The following HNF1B variants were observed in gnomAD, a reference collection of about 807,000 sequenced individuals.
HNF1B encodes the protein HNF1 homeobox B, also known as hepatocyte nuclear factor 1-beta.
HNF1B carries 8 observed loss-of-function variants against 61.7 expected under a neutral mutation model. The ratio of observed to expected loss-of-function variants is 0.13; its 90% CI spans 0.08 to 0.23. The LOEUF (loss-of-function observed/expected upper bound fraction) is 0.23, where lower values mean the gene tolerates loss of function less well. HNF1B is among the 10% of genes least tolerant of loss of function. The pLI is 1.00. For missense variants in HNF1B, 562 were observed against 714.5 expected (o/e 0.79, Z 2.43); for synonymous variants, 314 against 287.7 (o/e 1.09, Z -0.93).
At chr17:37,710,272 A>T (rs1476980082) in intron 5 of HNF1B, among the ~76,000 whole-genome samples, 1 of 152,234 alleles carries the variant, frequency 6.6e-6, no homozygotes, top group African/African-American at 2.4e-5. Flanking sequence ...AATCAATAAA[A>T]AGAGAGCAGA....
intron 7 of HNF1B, 133 bp from the exon 8 acceptor site, chr17:37,699,327 T>TAGTGGG (rs2032488401): frequency 2.7e-6 from 2 of 750,786 alleles, no homozygotes; most frequent in African/African-American, 3.4e-5. Context: ...TGGGGATTTC[T>TAGTGGG]CATATTAGTT....
At chr17:37,729,468 G>A (rs761648877) in intron 4 of HNF1B, 11 of 149,632 alleles carry the variant, frequency 7.4e-5, no homozygotes, top group Non-Finnish European at 1.3e-4. Flanking sequence ...ACAGAAGAAA[G>A]GCAGCCACTG....
At chr17:37,715,905 G>A (rs2147490248) in intron 4 of HNF1B, among the ~76,000 whole-genome samples, 1 of 152,308 alleles carries the variant, frequency 6.6e-6, no homozygotes, top group Admixed American at 6.5e-5. Context: ...GCCGAGGCAG[G>A]TGGATCACTT....
At chr17:37,708,842 G>C (rs1345992049) in intron 5 of HNF1B, among the ~76,000 whole-genome samples, 1 of 152,144 alleles carries the variant, frequency 6.6e-6, no homozygotes, top group Non-Finnish European at 1.5e-5. Flanking sequence ...AGCAGCTCAG[G>C]TCCTCTGAAA....
chr17:37,739,905 C>A (rs1041585203), intron 1 of HNF1B, among the ~76,000 whole-genome samples: 43 of 152,012 alleles, frequency 2.8e-4, no homozygotes, highest in African/African-American at 9.7e-4. Flanking sequence ...AGCACCACCA[C>A]CACTCTCTCT....
intron 4 of HNF1B, among the ~76,000 whole-genome samples, chr17:37,723,424 G>T (rs191702400): frequency 1.3e-5 from 2 of 152,124 alleles, no homozygotes; most frequent in Non-Finnish European, 2.9e-5. Flanking sequence ...TCGACTTCAT[G>T]AACATCATGA....
At chr17:37,719,161 G>A (rs962655384) in intron 4 of HNF1B, among the ~76,000 whole-genome samples, 2 of 151,862 alleles carry the variant, frequency 1.3e-5, no homozygotes, top group East Asian at 1.9e-4. Context: ...AGATGGGGGG[G>A]TCTATGTTGC....
intron 4 of HNF1B, among the ~76,000 whole-genome samples, chr17:37,717,192 T>C (rs1454766888): frequency 3.9e-5 from 6 of 152,162 alleles, no homozygotes; most frequent in African/African-American, 1.4e-4. Context: ...CTGAAGTCTA[T>C]GAGCTGCACC....
chr17:37,723,115 A>G (rs541970842), intron 4 of HNF1B, among the ~76,000 whole-genome samples: 78 of 151,900 alleles, frequency 5.1e-4, no homozygotes, highest in African/African-American at 1.7e-3. Context: ...CGAGGCGGGC[A>G]GATCACGAGG....
intron 5 of HNF1B, among the ~76,000 whole-genome samples, chr17:37,708,437 G>A (rs548233079): frequency 2.6e-4 from 40 of 152,304 alleles, no homozygotes; most frequent in Non-Finnish European, 5.4e-4. Context: ...AGCAAAAAGC[G>A]TGTCCACAGG....
intron 4 of HNF1B, among the ~76,000 whole-genome samples, chr17:37,724,122 T>G (rs1568657359): frequency 6.6e-6 from 1 of 152,162 alleles, no homozygotes; most frequent in African/African-American, 2.4e-5. Flanking sequence ...ACTCCAGTAC[T>G]CAAAAGTGTG....
In HNF1B at chr17:37,744,809, G is replaced by C; in HGVS notation, c.76C>G (p.Leu26Val). The C allele has an allele frequency of 3.1e-6, 5 of 1,611,406 alleles. No individual in the cohort carries two copies. In the South Asian group the frequency reaches 5.5e-5, roughly 18 times the overall value. ...LLSSGVTKEVLVQALEELLPS... is the reference protein window; with the variant it reads ...LLSSGVTKEVVVQALEELLPS... ...AGCAACTCCTCCAAGGCCTGAACCA[G>C]CACCTCCTTGGTGACCCCGGAGCTC... The change falls in exon 1 of 9, where the codon CTG becomes GTG. Residue 26 changes from leucine (L) to valine (V), a missense_variant. By Grantham distance (32) the Leu-to-Val change is conservative (BLOSUM62 1). Around this residue, in one of 6 missense-constraint regions of HNF1B, gnomAD observed 148 missense variants for 147.3 expected, o/e 1.00. Transcript: ENST00000617811.
chr17:37,688,540 G>GA (rs1358339636), intron 8 of HNF1B, among the ~76,000 whole-genome samples: 1 of 152,128 alleles, frequency 6.6e-6, no homozygotes, highest in African/African-American at 2.4e-5. Context: ...AAGGCTAAAA[G>GA]AGAGTCAGTG....
At chr17:37,695,962 C>T (rs1002846216) in intron 8 of HNF1B, among the ~76,000 whole-genome samples, 1 of 152,088 alleles carries the variant, frequency 6.6e-6, no homozygotes, top group African/African-American at 2.4e-5. Context: ...CTGTATTTCT[C>T]AATGTGAGAA....
rs547615823 is a variant in HNF1B at position 37,743,128 on chromosome 17, G to T, written c.344+1413C>A. ...GAGGGGCGCCCCAGGTCCTTCCAGC[G>T]CCGCGCTAGAAAGCGGGCGCCTGCG... On this transcript the variant is annotated intron_variant, in intron 1 of 8. Coordinates refer to ENST00000617811, the MANE Select transcript of HNF1B (RefSeq NM_000458.4). Among the ~76,000 whole-genome samples, 46 of 152,310 alleles carry T rather than the reference G, an allele frequency of 3.0e-4. 1 individual carries two copies. In the East Asian group the frequency reaches 8.5e-3, roughly 28 times the overall value.
intron 3 of HNF1B, among the ~76,000 whole-genome samples, chr17:37,733,202 T>G (rs1361062008): frequency 6.6e-6 from 1 of 152,194 alleles, no homozygotes; most frequent in Non-Finnish European, 1.5e-5. Context: ...ATATTTTAAA[T>G]TAGCATTCTC....
chr17:37,700,859 G>T (rs1453007325), intron 7 of HNF1B, 124 bp downstream of exon 7: 1 of 850,914 alleles, frequency 1.2e-6, no homozygotes. Context: ...TTAGTCGGTT[G>T]ATCATAGGCA....
intron 4 of HNF1B, chr17:37,720,669 T>C: frequency 2.5e-6 from 1 of 398,296 alleles, no homozygotes; most frequent in Non-Finnish European, 3.4e-6. Flanking sequence ...TTCACAAATA[T>C]ATGGAGTGTC....
chr17:37,720,908 G>A, intron 4 of HNF1B: 1 of 985,402 alleles, frequency 1.0e-6, no homozygotes, highest in Non-Finnish European at 1.2e-6. Flanking sequence ...CAATGAAGAA[G>A]AACGGCCGCT....
Sources: gnomAD v4.1 joint callset for allele counts (sites outside exome capture counted in the v4.1 genomes callset) on GRCh38, gnomAD v4.1.1 for gene constraint, gnomAD v4.1.1 regional missense constraint, MANE v1.5 for transcripts, NCBI Gene and HGNC (gene_info 2026-07-23, HGNC 2026-07-21) for gene names.